Variants in MYO3B observed in about 807,000 individuals in gnomAD.
MYO3B encodes the protein myosin-IIIb.
Under a neutral mutation model 174.6 loss-of-function variants are expected in MYO3B, and 156 were observed. That is an observed-to-expected ratio of 0.89 (90% CI 0.78 to 1.02). The LOEUF (loss-of-function observed/expected upper bound fraction) is 1.02. Ranked by LOEUF, MYO3B falls within the 50% of genes least tolerant of loss-of-function variation. The pLI is 0.00. For synonymous variants in MYO3B, 563 were observed against 569.1 expected (o/e 0.99, Z 0.15); for missense variants, 1,632 against 1,639.4 (o/e 1.00, Z 0.08).
intron 32 of MYO3B, among the ~76,000 whole-genome samples, chr2:170,593,857 TC>T (rs1486946045): frequency 1.3e-5 from 2 of 152,196 alleles, no homozygotes; most frequent in Non-Finnish European, 2.9e-5. Flanking sequence ...TTTTCCTATA[TC>T]ATGAAACATC....
chr2:170,239,117 C>T (rs2093103733), intron 7 of MYO3B, among the ~76,000 whole-genome samples: 1 of 152,210 alleles, frequency 6.6e-6, no homozygotes, highest in Admixed American at 6.5e-5. Context: ...TATTTTTCCC[C>T]AGGAGTTATA....
chr2:170,370,133 AC>A (rs2094229860), intron 9 of MYO3B, among the ~76,000 whole-genome samples: 1 of 152,184 alleles, frequency 6.6e-6, no homozygotes, highest in Admixed American at 6.5e-5. Flanking sequence ...ATGCAAATAA[AC>A]CTGCTTCCTA....
At chr2:170,309,201 C>A (rs1382777202) in intron 7 of MYO3B, among the ~76,000 whole-genome samples, 1 of 152,110 alleles carries the variant, frequency 6.6e-6, no homozygotes, top group Non-Finnish European at 1.5e-5. Context: ...TATGATAGTA[C>A]AACTAAGTTG....
At chr2:170,279,904 G>C (rs1340153143) in intron 7 of MYO3B, among the ~76,000 whole-genome samples, 1 of 152,074 alleles carries the variant, frequency 6.6e-6, no homozygotes, top group Non-Finnish European at 1.5e-5. Flanking sequence ...CTTTGCTATT[G>C]TGAATAGAGC....
At chr2:170,288,251 T>C (rs1383400456) in intron 7 of MYO3B, among the ~76,000 whole-genome samples, 1 of 151,976 alleles carries the variant, frequency 6.6e-6, no homozygotes, top group African/African-American at 2.4e-5. Flanking sequence ...TTTTTTCTAT[T>C]TCTGTGAAGA....
In MYO3B at chr2:170,401,570, G is replaced by T. The variant is rs750151763; in HGVS notation, c.2008G>T (p.Ala670Ser). The change falls in exon 18 of 35, where the codon GCC becomes TCC. Residue 670 changes from alanine (A) to serine (S), a missense_variant. Transcript: ENST00000408978. The stretch of plus-strand genomic sequence containing the variant: ...CACCCGGGGCGAGACCATCATCCGT[G>T]CCAACACTGTAGACAGGGCTGCGGA... Reference protein sequence around the residue: ...VVTRGETIIRANTVDRAADVR... With the variant: ...VVTRGETIIRSNTVDRAADVR... The T allele has an allele frequency of 6.2e-7, 1 of 1,614,160 alleles. No homozygotes were observed. The highest frequency in any genetic ancestry group is 2.2e-5 in the East Asian group (1 of 44,874).
Position 170,317,029 on chromosome 2 carries a change from G to A in MYO3B, c.750-18356G>A, listed in dbSNP as rs568918503. 1.1e-4 allele frequency among the ~76,000 whole-genome samples: 17 copies of A among 152,174 alleles called. No individual in the cohort carries two copies. In the East Asian group the frequency reaches 2.9e-3, roughly 26 times the overall value. On this transcript the variant is annotated intron_variant, in intron 7 of 34. Coordinates refer to ENST00000408978, the MANE Select transcript of MYO3B (RefSeq NM_138995.5). ...TTTGTATTGCATTTTTGTTTATTGA[G>A]GATAACTGCTATACTCATCTTTGTA...
chr2:170,233,937 C>G (rs192504619), intron 6 of MYO3B, among the ~76,000 whole-genome samples: 6 of 151,938 alleles, frequency 3.9e-5, no homozygotes, highest in Non-Finnish European at 7.4e-5. Context: ...TTTGGGAGGC[C>G]GAGGCGGGTG....
At chr2:170,563,610 T>G (rs1378524640) in intron 32 of MYO3B, among the ~76,000 whole-genome samples, 1 of 152,210 alleles carries the variant, frequency 6.6e-6, no homozygotes. Flanking sequence ...TAGTCTGTGC[T>G]TTCAGAAACA....
At chr2:170,261,317 G>A (rs925481734) in intron 7 of MYO3B, among the ~76,000 whole-genome samples, 8 of 152,088 alleles carry the variant, frequency 5.3e-5, no homozygotes, top group South Asian at 4.2e-4. Flanking sequence ...GAGCTACCAC[G>A]CCCAGCCAAG....
chr2:170,310,665 CAAA>C (rs746315736), intron 7 of MYO3B, among the ~76,000 whole-genome samples: 4 of 61,458 alleles, frequency 6.5e-5, no homozygotes, highest in Non-Finnish European at 7.9e-5. Context: ...GACTCCATCT[CAAA>C]AAAAAAAAAA....
rs1332147638 is a variant in MYO3B at position 170,369,207 on chromosome 2, G to A, written c.816-15G>A. ...AAGATTGTACTTTGGATTGTTTGTT[G>A]GTTTTTGCAAACAGGTGTCTTATTA... On this transcript the variant is annotated splice_polypyrimidine_tract_variant and intron_variant, in intron 8 of 34. Transcript: ENST00000408978. 1.9e-6 allele frequency: 3 copies of A among 1,609,864 alleles called. No individual in the cohort carries two copies. The highest frequency in any genetic ancestry group is 2.5e-6 in the Non-Finnish European group (3 of 1,177,242).
At chr2:170,222,900 T>C (rs2092916265) in intron 6 of MYO3B, among the ~76,000 whole-genome samples, 1 of 152,130 alleles carries the variant, frequency 6.6e-6, no homozygotes, top group Non-Finnish European at 1.5e-5. Flanking sequence ...AGGTTATAGA[T>C]GCTAGCATAG....
chr2:170,619,922 T>C (rs753017386), intron 32 of MYO3B, among the ~76,000 whole-genome samples: 53 of 151,686 alleles, frequency 3.5e-4, no homozygotes, highest in Non-Finnish European at 3.2e-4. Context: ...AATTTTTGTA[T>C]TTTTAGTAGA....
At chr2:170,241,351 C>T (rs1326761670) in intron 7 of MYO3B, among the ~76,000 whole-genome samples, 1 of 152,160 alleles carries the variant, frequency 6.6e-6, no homozygotes, top group African/African-American at 2.4e-5. Flanking sequence ...TAGGCTTCCT[C>T]TAGAGCTTTA....
intron 25 of MYO3B, among the ~76,000 whole-genome samples, chr2:170,479,341 G>C (rs1015674820): frequency 2.1e-5 from 3 of 145,962 alleles, no homozygotes; most frequent in African/African-American, 7.5e-5. Context: ...ATGTGTGTAT[G>C]TATATAAAAC....
In MYO3B at chr2:170,467,865, A is replaced by G. The variant is rs369924277; in HGVS notation, c.3014+1154A>G. On this transcript the variant is annotated intron_variant, in intron 25 of 34. Transcript: ENST00000408978. ...CAATGAGAGCTTTTAAATTAAAAAT[A>G]AGAAGGAAATGGCTTTTTTTTTTTA... 1.1e-3 allele frequency among the ~76,000 whole-genome samples: 169 copies of G among 151,790 alleles called. 1 individual carries two copies. The highest frequency in any genetic ancestry group is 3.6e-3 in the African/African-American group (151 of 41,518).
At chr2:170,437,088 T>C (rs2094760001) in intron 22 of MYO3B, among the ~76,000 whole-genome samples, 4 of 152,164 alleles carry the variant, frequency 2.6e-5, no homozygotes, top group Admixed American at 2.6e-4. Context: ...TTTCTTATTA[T>C]GGACTAGGAA....
intron 23 of MYO3B, among the ~76,000 whole-genome samples, chr2:170,449,586 T>G (rs1245774826): frequency 6.6e-6 from 1 of 152,182 alleles, no homozygotes; most frequent in Admixed American, 6.5e-5. Context: ...GAGACCAGCC[T>G]GACCAACATG....
Sources: gnomAD v4.1 joint callset for allele counts (sites outside exome capture counted in the v4.1 genomes callset) on GRCh38, gnomAD v4.1.1 for gene constraint, MANE v1.5 for transcripts, NCBI Gene and HGNC (gene_info 2026-07-23, HGNC 2026-07-21) for gene names.